Variants in TG observed in about 807,000 individuals in gnomAD.
The protein encoded by TG is thyroid hormones.
Under a neutral mutation model 324.7 loss-of-function variants are expected in TG, and 270 were observed. That is an observed-to-expected ratio of 0.83 (90% CI 0.75 to 0.92). The LOEUF is 0.92. Ranked by LOEUF, TG falls within the 40% of genes least tolerant of loss-of-function variation. The pLI is 0.00. For missense variants in TG, 3,591 were observed against 3,456.4 expected (o/e 1.04, Z -0.98); for synonymous variants, 1,401 against 1,327.0 (o/e 1.06, Z -1.21).
At chr8:133,069,566 G>A (rs189912219) in intron 41 of TG, among the ~76,000 whole-genome samples, 75 of 152,254 alleles carry the variant, frequency 4.9e-4, no homozygotes, top group Non-Finnish European at 8.7e-4. Context: ...ACAATTCGAC[G>A]GTCATTTGTG....
intron 21 of TG, among the ~76,000 whole-genome samples, chr8:132,922,242 AG>A (rs1252678677): frequency 1.3e-5 from 2 of 152,212 alleles, no homozygotes; most frequent in African/African-American, 2.4e-5. Context: ...GACATTAGCT[AG>A]GGGGCCCGGT....
At chr8:132,938,203 C>A (rs185610128) in intron 25 of TG, among the ~76,000 whole-genome samples, 117 of 152,296 alleles carry the variant, frequency 7.7e-4, no homozygotes, top group African/African-American at 2.7e-3. Context: ...GGTAGTTAAT[C>A]ATGTCCATTC....
At chr8:133,121,372 T>C (rs1189258626) in intron 45 of TG, among the ~76,000 whole-genome samples, 1 of 152,168 alleles carries the variant, frequency 6.6e-6, no homozygotes, top group Non-Finnish European at 1.5e-5. Flanking sequence ...TTTCTCCCTA[T>C]GTCACAGACT....
At chr8:132,867,453 A>G (rs1419441887) in intron 1 of TG, among the ~76,000 whole-genome samples, 1 of 152,120 alleles carries the variant, frequency 6.6e-6, no homozygotes, top group East Asian at 1.9e-4. Flanking sequence ...CTATGAAGTG[A>G]AATAGCCCTA....
chr8:133,022,038 G>A lies in TG; in HGVS notation c.6924G>A (p.Arg2308=). The A allele has an allele frequency of 6.2e-7, 1 of 1,614,174 alleles. No homozygotes were observed. Among genetic ancestry groups the A allele is most frequent in the Non-Finnish European group, 8.5e-7 (1 of 1,180,032 alleles). Residue 2308 remains arginine, a synonymous_variant, in exon 40 of 48, where the codon AGG becomes AGA. Coordinates refer to ENST00000220616, the MANE Select transcript of TG (RefSeq NM_003235.5). ...VLVFFHNTMD[R]EESEGWPAID... ...TGTTCTTCCACAACACCATGGACAGGGAGGAGAGTGAAGGATGGCCGGCTA... is the reference window on the plus strand; with the variant it reads ...TGTTCTTCCACAACACCATGGACAGAGAGGAGAGTGAAGGATGGCCGGCTA...
Position 133,022,107 on chromosome 8 carries a change from C to A in TG, c.6993C>A (p.Val2331=), listed in dbSNP as rs763938617. 3 of 1,614,032 alleles carry A rather than the reference C, an allele frequency of 1.9e-6. No individual in the cohort carries two copies. In the Admixed American group the frequency reaches 5.0e-5, roughly 27 times the overall value. Residue 2331 remains valine, a synonymous_variant, in exon 40 of 48, where the codon GTC becomes GTA. Transcript: ENST00000220616. ...CTGCTGTTGGCAACCTCATCGTGGT[C>A]ACTGCCAGCTACCGAGTGGGTGTCT... is the stretch of plus-strand genomic sequence containing the variant. ...FLAAVGNLIV[V]TASYRVGVFG... is the part of the protein sequence containing the mutation.
At chr8:133,077,904 A>G (rs1845155383) in intron 41 of TG, among the ~76,000 whole-genome samples, 1 of 152,020 alleles carries the variant, frequency 6.6e-6, no homozygotes, top group African/African-American at 2.4e-5. Flanking sequence ...AAAATGTCCC[A>G]GAAATTGTCA....
chr8:133,023,494 G>A (rs1285982050), intron 40 of TG, among the ~76,000 whole-genome samples: 1 of 152,132 alleles, frequency 6.6e-6, no homozygotes, highest in African/African-American at 2.4e-5. Flanking sequence ...AGTGAATATG[G>A]TAACTGGGGT....
At chr8:133,063,859 C>T (rs1451305000) in intron 41 of TG, 3 of 152,146 alleles carry the variant, frequency 2.0e-5, no homozygotes, top group Admixed American at 6.5e-5. Flanking sequence ...TGAAAATGCC[C>T]CCAGAGAATG....
intron 41 of TG, chr8:133,038,537 T>A: frequency 1.2e-6 from 2 of 1,612,114 alleles, no homozygotes; most frequent in Non-Finnish European, 1.7e-6. Context: ...GTCCTCAAAG[T>A]AAGGTGGTGA....
intron 16 of TG, 68 bp downstream of exon 16, chr8:132,901,621 G>GTAC: frequency 6.5e-7 from 1 of 1,529,626 alleles, no homozygotes. Flanking sequence ...ACTGGGTGAA[G>GTAC]TACTAGAGAA....
chr8:133,025,570 A>G (rs1835995291), intron 40 of TG, among the ~76,000 whole-genome samples: 2 of 152,090 alleles, frequency 1.3e-5, no homozygotes, highest in South Asian at 4.1e-4. Flanking sequence ...ATGGTGGTGC[A>G]TTATGATTTA....
rs1363296910 is a variant in TG, at chr8:133,039,984, C to T, written c.7239+9961C>T. The T allele has an allele frequency of 5.2e-6, 8 of 1,532,686 alleles. No individual in the cohort carries two copies. In the East Asian group the frequency reaches 1.0e-4, roughly 19 times the overall value. The allele number at this position is 1,532,686 out of a possible 1,614,324, so 94.9% of individuals were successfully genotyped here. A position where few individuals can be genotyped will look rare whatever the true frequency, so the allele number is the denominator to read the frequency against. ...ACACACACACACACACACACATACA[C>T]ACACCATACTCACCTGGACACTCTC... is the stretch of plus-strand genomic sequence containing the variant. On this transcript the variant is annotated intron_variant, in intron 41 of 47. Coordinates refer to ENST00000220616, the MANE Select transcript of TG (RefSeq NM_003235.5).
At chr8:133,030,252 G>A (rs1226879367) in intron 41 of TG, among the ~76,000 whole-genome samples, 2 of 152,202 alleles carry the variant, frequency 1.3e-5, no homozygotes, top group Non-Finnish European at 2.9e-5. Context: ...TTTAGATGGT[G>A]AAGTGTTTCT....
intron 41 of TG, among the ~76,000 whole-genome samples, chr8:133,075,603 G>A (rs9297863): frequency 0.43 from 65,477 of 152,084 alleles, 14,396 homozygotes; most frequent in Non-Finnish European, 0.46. Flanking sequence ...GACATGCGGT[G>A]ACCAAGAGGA....
At chr8:132,877,618 AG>A (rs1488176358) in intron 5 of TG, among the ~76,000 whole-genome samples, 1 of 152,226 alleles carries the variant, frequency 6.6e-6, no homozygotes, top group Non-Finnish European at 1.5e-5. Flanking sequence ...AGTGGAGACC[AG>A]AATTTCGCAT....
At chr8:133,081,642 C>T (rs1845767901) in intron 41 of TG, among the ~76,000 whole-genome samples, 1 of 152,212 alleles carries the variant, frequency 6.6e-6, no homozygotes, top group African/African-American at 2.4e-5. Flanking sequence ...CGAAGAGCTG[C>T]ACAGATATGT....
chr8:133,011,850 T>C (rs1834536234), intron 35 of TG, 51 bp from the exon 36 acceptor site: 3 of 1,613,678 alleles, frequency 1.9e-6, no homozygotes, highest in Non-Finnish European at 2.5e-6. Context: ...GCTGTCTTTG[T>C]TACTCACCAG....
chr8:132,868,199 A>T lies in TG; in HGVS notation c.152A>T (p.Gln51Leu). 1.2e-6 allele frequency: 2 copies of T among 1,614,144 alleles called. No individual in the cohort carries two copies. Among genetic ancestry groups the T allele is most frequent in the South Asian group, 1.1e-5 (1 of 91,080 alleles). Reference protein sequence around the residue: ...AFLKQADYVPQCAEDGSFQTV... With the variant: ...AFLKQADYVPLCAEDGSFQTV... Reference sequence around the variant, plus strand: ...CTGAAGCAAGCAGACTACGTGCCCCAGTGTGCAGAGGATGGCAGCTTCCAG... The same window carrying T: ...CTGAAGCAAGCAGACTACGTGCCCCTGTGTGCAGAGGATGGCAGCTTCCAG... Residue 51 changes from glutamine (Q) to leucine (L), a missense_variant, in exon 2 of 48, where the codon CAG becomes CTG. By Grantham distance (113) the Gln-to-Leu change is moderately radical. Coordinates refer to ENST00000220616, the MANE Select transcript of TG (RefSeq NM_003235.5).
Sources: allele counts gnomAD v4.1 joint callset (sites outside exome capture counted in the v4.1 genomes callset), GRCh38; gene constraint gnomAD v4.1.1; transcripts MANE v1.5; gene names NCBI Gene and HGNC (gene_info 2026-07-23, HGNC 2026-07-21).